Variants in NUBPL observed in about 807,000 individuals in gnomAD.
NUBPL encodes NUBP iron-sulfur cluster assembly factor, mitochondrial.
Under a neutral mutation model 45.7 loss-of-function variants are expected in NUBPL, and 31 were observed. The observed-to-expected ratio is 0.68, with a 90% CI of 0.51 to 0.92. The LOEUF is 0.92. Ranked by LOEUF, NUBPL falls within the 40% of genes least tolerant of loss-of-function variation. NUBPL has a pLI of 0.00. For missense variants in NUBPL, 401 were observed against 398.7 expected (o/e 1.01, Z -0.05); for synonymous variants, 144 against 140.9 (o/e 1.02, Z -0.15).
At chr14:31,803,004 G>T (rs2138871719) in intron 7 of NUBPL, among the ~76,000 whole-genome samples, 1 of 152,286 alleles carries the variant, frequency 6.6e-6, no homozygotes, top group Non-Finnish European at 1.5e-5. Context: ...TTGAGAAAAA[G>T]TTAAACTTGC....
chr14:31,650,598 G>A (rs1379069464), intron 4 of NUBPL, among the ~76,000 whole-genome samples: 2 of 151,960 alleles, frequency 1.3e-5, no homozygotes, highest in Admixed American at 1.3e-4. Context: ...CCCAGGAATG[G>A]CTTTCATTGA....
chr14:31,798,302 GGTT>G (rs1465605647), intron 7 of NUBPL, among the ~76,000 whole-genome samples: 31 of 98,726 alleles, frequency 3.1e-4, no homozygotes, highest in African/African-American at 1.1e-3. Context: ...ATTTATTTAT[GGTT>G]TTTTTTTTTT....
chr14:31,672,795 T>C (rs2036602394), intron 4 of NUBPL, among the ~76,000 whole-genome samples: 1 of 152,250 alleles, frequency 6.6e-6, no homozygotes, highest in African/African-American at 2.4e-5. Context: ...TTAATACAAT[T>C]ATGTCCCAAC....
intron 4 of NUBPL, among the ~76,000 whole-genome samples, chr14:31,607,930 C>T (rs1462669271): frequency 6.6e-6 from 1 of 151,870 alleles, no homozygotes; most frequent in East Asian, 1.9e-4. Flanking sequence ...GAAAACTATC[C>T]AAAGGCATTT....
chr14:31,770,440 G>A (rs1408447145), intron 6 of NUBPL, among the ~76,000 whole-genome samples: 2 of 152,136 alleles, frequency 1.3e-5, no homozygotes, highest in Non-Finnish European at 2.9e-5. Context: ...TGAGTCTTTG[G>A]TCTGAGTGAA....
At chr14:31,765,460 G>A (rs1457193871) in intron 6 of NUBPL, among the ~76,000 whole-genome samples, 1 of 152,146 alleles carries the variant, frequency 6.6e-6, no homozygotes, top group Non-Finnish European at 1.5e-5. Flanking sequence ...CCTGGACCAA[G>A]GAGGATGGGG....
At chr14:31,589,069 T>C (rs185832635) in intron 3 of NUBPL, among the ~76,000 whole-genome samples, 1 of 152,262 alleles carries the variant, frequency 6.6e-6, no homozygotes, top group African/African-American at 2.4e-5. Context: ...AAAAGATCTG[T>C]TATTGACCCT....
intron 6 of NUBPL, among the ~76,000 whole-genome samples, chr14:31,753,171 T>G (rs1329828931): frequency 6.6e-6 from 1 of 152,158 alleles, no homozygotes; most frequent in Admixed American, 6.5e-5. Context: ...CTTTTCTCAC[T>G]GTGAAGCCAA....
chr14:31,617,767 G>T (rs917884835), intron 4 of NUBPL, among the ~76,000 whole-genome samples: 3 of 152,178 alleles, frequency 2.0e-5, no homozygotes, highest in Admixed American at 2.0e-4. Context: ...CCAGGTTTTG[G>T]TATCAGGCTG....
At chr14:31,596,728 T>C (rs1379528456) in intron 3 of NUBPL, among the ~76,000 whole-genome samples, 1 of 152,256 alleles carries the variant, frequency 6.6e-6, no homozygotes, top group Admixed American at 6.5e-5. Flanking sequence ...TCATGTTTAA[T>C]TTCCCATTCT....
intron 7 of NUBPL, among the ~76,000 whole-genome samples, chr14:31,808,136 G>C (rs558900922): frequency 7.7e-4 from 118 of 152,304 alleles, no homozygotes; most frequent in African/African-American, 2.7e-3. Context: ...GAACTTGAAA[G>C]TAGTTTTTTC....
chr14:31,673,646 T>C, intron 6 of NUBPL, 72 bp downstream of exon 6: 3 of 1,306,674 alleles, frequency 2.3e-6, no homozygotes, highest in Admixed American at 3.4e-5. Flanking sequence ...GATTGGAGAA[T>C]TGTTAAAATT....
intron 4 of NUBPL, among the ~76,000 whole-genome samples, chr14:31,637,780 G>A (rs963735875): frequency 8.5e-5 from 13 of 152,104 alleles, no homozygotes; most frequent in Non-Finnish European, 1.5e-4. Flanking sequence ...CTCCTGTATT[G>A]GGTGCATATA....
chr14:31,643,457 A>C (rs1251313607), intron 4 of NUBPL, among the ~76,000 whole-genome samples: 1 of 152,102 alleles, frequency 6.6e-6, no homozygotes, highest in Non-Finnish European at 1.5e-5. Flanking sequence ...ACATGTATTG[A>C]TTTCCGAATG....
At chr14:31,740,811 G>C (rs2038266803) in intron 6 of NUBPL, among the ~76,000 whole-genome samples, 1 of 152,064 alleles carries the variant, frequency 6.6e-6, no homozygotes, top group Non-Finnish European at 1.5e-5. Flanking sequence ...CATCCCCCCA[G>C]TCTTTTTTCT....
chr14:31,646,167 TC>T lies in NUBPL; in HGVS notation c.383-27184del, dbSNP rs139634566. ...GGATATACTATTCTTGGATGGCAAG[TC>T]CCCTTCCCTTCCCTGCCCTTCCCCC... On this transcript the variant is annotated intron_variant, in intron 4 of 10. Coordinates refer to ENST00000281081, the MANE Select transcript of NUBPL (RefSeq NM_025152.3). Among the ~76,000 whole-genome samples the T allele has an allele frequency of 5.5e-3, 844 of 152,170 alleles. 9 individuals carry two copies. The highest frequency in any genetic ancestry group is 0.019 in the African/African-American group (799 of 41,530).
At chr14:31,688,608 A>AG (rs2037014508) in intron 6 of NUBPL, among the ~76,000 whole-genome samples, 1 of 149,474 alleles carries the variant, frequency 6.7e-6, no homozygotes, top group African/African-American at 2.5e-5. Context: ...AAAAAAAAAA[A>AG]GAAAATCTTT....
intron 4 of NUBPL, among the ~76,000 whole-genome samples, chr14:31,604,234 A>G (rs1792108771): frequency 1.3e-5 from 2 of 151,962 alleles, no homozygotes; most frequent in Admixed American, 1.3e-4. Context: ...AAGTCCCCCA[A>G]GAAATAAACT....
chr14:31,760,764 A>AT (rs1336010320), intron 6 of NUBPL, among the ~76,000 whole-genome samples: 1 of 1,344 alleles, frequency 7.4e-4, no homozygotes, highest in Non-Finnish European at 0.026. Flanking sequence ...TCATATATTG[A>AT]TTAAAAAATT....
Sources: gnomAD v4.1 joint callset for allele counts (sites outside exome capture counted in the v4.1 genomes callset) on GRCh38, gnomAD v4.1.1 for gene constraint, MANE v1.5 for transcripts, NCBI Gene and HGNC (gene_info 2026-07-23, HGNC 2026-07-21) for gene names.